Variants in FLG observed in about 807,000 individuals in gnomAD.
FLG encodes filaggrin, also known as epidermal filaggrin.
Under a neutral mutation model 3.8 loss-of-function variants are expected in FLG, and 6 were observed. That is an observed-to-expected ratio of 1.60 (90% confidence interval 0.87 to 3.15). FLG has a LOEUF of 3.15. FLG is among the 30% of genes most tolerant of loss of function. The pLI, the probability that FLG is intolerant of heterozygous loss-of-function variation, is 0.00. For missense variants in FLG, 7,595 were observed against 5,050.9 expected (o/e 1.50, Z -15.27); for synonymous variants, 2,551 against 1,931.6 (o/e 1.32, Z -8.41).
In FLG at chr1:152,311,018, C is replaced by T; in HGVS notation, c.3868G>A (p.Ala1290Thr). The T allele has an allele frequency of 6.2e-7, 1 of 1,613,892 alleles. No individual in the cohort carries two copies. The highest frequency in any genetic ancestry group is 8.5e-7 in the Non-Finnish European group (1 of 1,179,970). The change falls in exon 3 of 3, where the codon GCT becomes ACT. Residue 1290 changes from alanine to threonine, a missense_variant. Ala to Thr is a moderately conservative substitution (Grantham distance 58, BLOSUM62 0). Coordinates refer to ENST00000368799, the MANE Select transcript of FLG (RefSeq NM_002016.2). ...SDDSERLSGS[A>T]SRNHHGSSRE... ...GAAGATCCATGATGGTTTCTGGAAG[C>T]AGACCCAGACAACCTCTCGGAGTCG...
chr1:152,321,837 A>G (rs575994379), intron 1 of FLG, among the ~76,000 whole-genome samples: 47 of 151,348 alleles, frequency 3.1e-4, no homozygotes, highest in African/African-American at 1.1e-3. Context: ...CCATAACCTG[A>G]CAACGATATA....
At chr1:152,316,701 A>G (rs1557883844) in intron 1 of FLG, among the ~76,000 whole-genome samples, 1 of 152,142 alleles carries the variant, frequency 6.6e-6, no homozygotes, top group Non-Finnish European at 1.5e-5. Flanking sequence ...CAACATATGC[A>G]AAATCTCTTT....
chr1:152,309,373 T>G lies in FLG; in HGVS notation c.5513A>C (p.His1838Pro), dbSNP rs776524940. 4 of 1,613,698 alleles carry G rather than the reference T, an allele frequency of 2.5e-6. No homozygotes were observed. ...GGTGTGGCTGTGATGAGACCCTGAG[T>G]GTCCAGAACTATCTACCGATTGCTC... is the stretch of plus-strand genomic sequence containing the variant. The part of the protein sequence containing the change: ...HYEQSVDSSG[H>P]SGSHHSHTTS... Residue 1838 changes from histidine (H) to proline (P), a missense_variant, in exon 3 of 3, where the codon CAC becomes CCC. By Grantham distance (77) the His-to-Pro change is moderately conservative (BLOSUM62 -2). Coordinates refer to ENST00000368799, the MANE Select transcript of FLG (RefSeq NM_002016.2).
rs553191250 is a variant in FLG, at chr1:152,307,525, G to C, written c.7361C>G (p.Thr2454Arg). ...KQARDSSRHS[T>R]SQEGQDTIHG... ...AATGGTGTCCTGACCCTCTTGGGAC[G>C]TTGAGTGCCTGGAGCTGTCTCGTGC... is the stretch of plus-strand genomic sequence containing the variant. The change falls in exon 3 of 3, where the codon ACG becomes AGG. Residue 2454 changes from threonine to arginine, a missense_variant. Thr to Arg is a moderately conservative substitution (Grantham distance 71). Coordinates refer to ENST00000368799, the MANE Select transcript of FLG (RefSeq NM_002016.2). The C allele has an allele frequency of 1.9e-6, 3 of 1,613,020 alleles. No individual in the cohort carries two copies. The highest frequency in any genetic ancestry group is 2.5e-6 in the Non-Finnish European group (3 of 1,179,742).
chr1:152,311,553 A>T lies in FLG; in HGVS notation c.3333T>A (p.Ser1111=), dbSNP rs769711759. The change falls in exon 3 of 3, where the codon TCT becomes TCA. Residue 1111 remains serine (S), a synonymous_variant. Transcript: ENST00000368799. ...ESARDWSGGR[S]GRSGSFIYQV... Reference sequence around the variant, plus strand: ...GGTAGATGAAAGACCCTGAACGTCCAGACCTTCCCCCTGACCAGTCACGTG... The same window carrying T: ...GGTAGATGAAAGACCCTGAACGTCCTGACCTTCCCCCTGACCAGTCACGTG... 29 of 1,613,814 alleles carry T rather than the reference A, an allele frequency of 1.8e-5. No individual in the cohort carries two copies. In the Admixed American group the frequency reaches 3.0e-4, roughly 17 times the overall value.
Position 152,311,662 on chromosome 1 carries a change from T to C in FLG, c.3224A>G (p.Glu1075Gly). The C allele has an allele frequency of 6.2e-7, 1 of 1,614,090 alleles. No individual in the cohort carries two copies. ...TGTGTCTGACTCCTCTGAATGTCCCTCACTATCACTGGCCTGACTACCACT... is the reference window on the plus strand; with the variant it reads ...TGTGTCTGACTCCTCTGAATGTCCCCCACTATCACTGGCCTGACTACCACT... ...GSSGSQASDS[E>G]GHSEESDTQS... Residue 1075 changes from glutamate (E) to glycine (G), a missense_variant, in exon 3 of 3, where the codon GAG (glutamate) becomes GGG (glycine). Glu to Gly is a moderately conservative substitution (Grantham distance 98, BLOSUM62 -2). Transcript: ENST00000368799.
chr1:152,313,338 A>G lies in FLG; in HGVS notation c.1548T>C (p.Ile516=). The G allele has an allele frequency of 6.2e-7, 1 of 1,613,158 alleles. No individual in the cohort carries two copies. The highest frequency in any genetic ancestry group is 8.5e-7 in the Non-Finnish European group (1 of 1,179,824). Residue 516 remains isoleucine, a synonymous_variant, in exon 3 of 3, where the codon ATT becomes ATC. Transcript: ENST00000368799. ...HSASQEGQDT[I]RGHPGSSRGG... is the part of the protein sequence containing the mutation. ...CTCTGCTTGACCCCGGGTGTCCACG[A>G]ATGGTGTCCTGACCCTCTTGGGACG...
At position 152,305,140 on chromosome 1, in the gene FLG, T is replaced by G; in HGVS notation, c.9746A>C (p.His3249Pro). Reference sequence around the variant, plus strand: ...ATGGGACCTGGGGTGTCTGGAGCCGTGCCTTGACTGCTCCTGAACAGATCC... The same window carrying G: ...ATGGGACCTGGGGTGTCTGGAGCCGGGCCTTGACTGCTCCTGAACAGATCC... Reference protein sequence around the residue: ...HRGSVQEQSRHGSRHPRSHHE... With the variant: ...HRGSVQEQSRPGSRHPRSHHE... Residue 3249 changes from histidine (H) to proline (P), a missense_variant, in exon 3 of 3, where the codon CAC becomes CCC. Coordinates refer to ENST00000368799, the MANE Select transcript of FLG (RefSeq NM_002016.2). 1 of 1,613,920 alleles carries G rather than the reference T, an allele frequency of 6.2e-7. No homozygotes were observed. The highest frequency in any genetic ancestry group is 8.5e-7 in the Non-Finnish European group (1 of 1,179,972).
At position 152,310,133 on chromosome 1, in the gene FLG, T is replaced by C. The variant is rs1652288880; in HGVS notation, c.4753A>G (p.Lys1585Glu). 6.2e-7 allele frequency: 1 copy of C among 1,614,004 alleles called. No homozygotes were observed. The highest frequency in any genetic ancestry group is 8.5e-7 in the Non-Finnish European group (1 of 1,179,992). The part of the protein sequence containing the change: ...QVGQGESAGS[K>E]TSRRQGSSVS... ...CTGGATCCCTGGCGCCTGCTTGTCTTGGACCCCGCTGATTCTCCCTGGCCC... is the reference window on the plus strand; with the variant it reads ...CTGGATCCCTGGCGCCTGCTTGTCTCGGACCCCGCTGATTCTCCCTGGCCC... Residue 1585 changes from lysine to glutamate, a missense_variant, in exon 3 of 3, where the codon AAG becomes GAG. By Grantham distance (56) the Lys-to-Glu change is moderately conservative. Transcript: ENST00000368799.
In FLG at chr1:152,315,430, A is replaced by C. The variant is rs1652752999; in HGVS notation, c.27T>G (p.Phe9Leu). 2 of 1,612,218 alleles carry C rather than the reference A, an allele frequency of 1.2e-6. No individual in the cohort carries two copies. Among genetic ancestry groups the C allele is most frequent in the African/African-American group, 2.7e-5 (2 of 74,800 alleles). The change falls in exon 2 of 3, where the codon TTT becomes TTG. Residue 9 changes from phenylalanine to leucine, a missense_variant. Phe to Leu is a conservative substitution (Grantham distance 22, BLOSUM62 0). Coordinates refer to ENST00000368799, the MANE Select transcript of FLG (RefSeq NM_002016.2). MSTLLENI[F>L]AIINLFKQYS... is the part of the protein sequence containing the mutation. ...ATTGCTTGAAAAGATTAATTATGGC[A>C]AAGATGTTTTCCAGGAGAGTAGACA...
Position 152,307,070 on chromosome 1 carries a change from G to T in FLG, c.7816C>A (p.Pro2606Thr), listed in dbSNP as rs745668000. ...GCTCTGTCTTCTTGATGGGACCTGG[G>T]GTGTCTGGAGCCATCTCTTAGCTGC... ...QEQLRDGSRH[P>T]RSHQEDRAGH... The change falls in exon 3 of 3, where the codon CCC (proline) becomes ACC (threonine). Residue 2606 changes from proline (P) to threonine (T), a missense_variant. Pro to Thr is a conservative substitution (Grantham distance 38). Coordinates refer to ENST00000368799, the MANE Select transcript of FLG (RefSeq NM_002016.2). The T allele has an allele frequency of 1.2e-6, 2 of 1,608,580 alleles. No homozygotes were observed. The highest frequency in any genetic ancestry group is 1.4e-5 in the African/African-American group (1 of 71,898).
rs77946464 is a variant in FLG, at chr1:152,304,452, C to A, written c.10434G>T (p.Gly3478=). 3,855 of 1,612,344 alleles carry A rather than the reference C, an allele frequency of 2.4e-3. 78 individuals carry two copies. In the African/African-American group the frequency reaches 0.04, roughly 17 times the overall value. The part of the protein sequence containing the change: ...TSQGRSDASR[G]QSGSRSASRQ... ...TGCTGGCACTTCTGGATCCTGACTG[C>A]CCACGGGAGGCATCAGACCTTCCCT... The change falls in exon 3 of 3, where the codon GGG becomes GGT. Residue 3478 remains glycine, a synonymous_variant. Coordinates refer to ENST00000368799, the MANE Select transcript of FLG (RefSeq NM_002016.2).
At position 152,302,968 on chromosome 1, in the gene FLG, A is replaced by G. The variant is rs1002090880; in HGVS notation, c.11918T>C (p.Val3973Ala). The G allele has an allele frequency of 1.9e-6, 3 of 1,614,046 alleles. No homozygotes were observed. The highest frequency in any genetic ancestry group is 2.5e-6 in the Non-Finnish European group (3 of 1,180,044). ...TERQKGQSGL[V>A]WRHGSYGSAD... Reference sequence around the variant, plus strand: ...ACTACCATAGCTGCCATGTCTCCAAACTAAACCTGATTGACCTTTTTGCCT... The same window carrying G: ...ACTACCATAGCTGCCATGTCTCCAAGCTAAACCTGATTGACCTTTTTGCCT... The change falls in exon 3 of 3, where the codon GTT becomes GCT. Residue 3973 changes from valine to alanine, a missense_variant. Physicochemically the swap from Val to Ala is moderately conservative, Grantham distance 64. Coordinates refer to ENST00000368799, the MANE Select transcript of FLG (RefSeq NM_002016.2).
chr1:152,313,708 TC>T lies in FLG; in HGVS notation c.1177del (p.Asp393ThrfsTer53), dbSNP rs1432787549. ...CCCAGTGGCTGAGTGTCTGGAGCTGTCTGCTGACTGCTGGTGGCCGGATCCA... is the reference window on the plus strand; with the variant it reads ...CCCAGTGGCTGAGTGTCTGGAGCTGTTGCTGACTGCTGGTGGCCGGATCCA... Reference protein sequence around the residue: ...RHGSGHQQSADSSRHSATGRG... With the variant: ...RHGSGHQQSAXSSRHSATGRG... On this transcript the variant is annotated frameshift_variant, in exon 3 of 3. Transcript: ENST00000368799. LOFTEE classifies it low-confidence loss of function (END_TRUNC). 2.5e-6 allele frequency: 4 copies of T among 1,614,144 alleles called. No homozygotes were observed. The Admixed American group carries it at 6.7e-5, about 27-fold the overall frequency.
Position 152,303,644 on chromosome 1 carries a change from G to T in FLG, c.11242C>A (p.His3748Asn), listed in dbSNP as rs753261797. The change falls in exon 3 of 3, where the codon CAC (histidine) becomes AAC (asparagine). Residue 3748 changes from histidine (H) to asparagine (N), a missense_variant. Transcript: ENST00000368799. ...TCCTGACCCTCTTGGGACGCTGAGT[G>T]CCTGGAGCTGTCTCGTGCCTGCTCG... is the stretch of plus-strand genomic sequence containing the variant. ...RHEQARDSSR[H>N]SASQEGQDTI... is the part of the protein sequence containing the mutation. 1.2e-5 allele frequency: 20 copies of T among 1,613,866 alleles called. No homozygotes were observed. Among genetic ancestry groups the T allele is most frequent in the Admixed American group, 1.2e-4 (7 of 59,940 alleles).
chr1:152,308,622 C>G lies in FLG; in HGVS notation c.6264G>C (p.Gly2088=). 1 of 1,614,102 alleles carries G rather than the reference C, an allele frequency of 6.2e-7. No homozygotes were observed. The highest frequency in any genetic ancestry group is 1.3e-5 in the African/African-American group (1 of 75,038). Residue 2088 remains glycine (G), a synonymous_variant, in exon 3 of 3, where the codon GGG becomes GGC. Transcript: ENST00000368799. Reference sequence around the variant, plus strand: ...GAGTGCTCACCTGGTAGAGGAAAGACCCTGAACGTCCAGAGCTTTCCCCTG... The same window carrying G: ...GAGTGCTCACCTGGTAGAGGAAAGAGCCTGAACGTCCAGAGCTTTCCCCTG... ...GQSGESSGRS[G]SFLYQVSTHE...
intron 1 of FLG, among the ~76,000 whole-genome samples, chr1:152,324,706 T>C (rs1036448734): frequency 6.6e-6 from 1 of 151,860 alleles, no homozygotes; most frequent in African/African-American, 2.4e-5. Context: ...GTGTGTTTTA[T>C]GTGTGGCCCA....
rs755340161 is a variant in FLG at position 152,308,626 on chromosome 1, G to T, written c.6260C>A (p.Ser2087Ter). The T allele has an allele frequency of 1.5e-5, 24 of 1,614,046 alleles. No homozygotes were observed. The change falls in exon 3 of 3, where the codon TCA (serine) becomes TAA (stop). Residue 2087 changes from serine (S) to a stop codon, truncating the protein, a stop_gained. Coordinates refer to ENST00000368799, the MANE Select transcript of FLG (RefSeq NM_002016.2). LOFTEE classifies it low-confidence loss of function (END_TRUNC). ...GCTCACCTGGTAGAGGAAAGACCCTGAACGTCCAGAGCTTTCCCCTGACTG... is the reference window on the plus strand; with the variant it reads ...GCTCACCTGGTAGAGGAAAGACCCTTAACGTCCAGAGCTTTCCCCTGACTG... ...RGQSGESSGR[S>*]GSFLYQVSTH...
At position 152,308,016 on chromosome 1, in the gene FLG, G is replaced by T. The variant is rs111307972; in HGVS notation, c.6870C>A (p.Ala2290=). 1.2e-6 allele frequency: 2 copies of T among 1,614,018 alleles called. No individual in the cohort carries two copies. The highest frequency in any genetic ancestry group is 2.2e-5 in the East Asian group (1 of 44,880). ...RHPRSHHEDR[A]GHGHSAESSR... ...AGCTCTCTGCAGAGTGCCCATGACC[G>T]GCTCTGTCTTCGTGATGGGACCTGG... is the stretch of plus-strand genomic sequence containing the variant. The change falls in exon 3 of 3, where the codon GCC becomes GCA. Residue 2290 remains alanine, a synonymous_variant. Coordinates refer to ENST00000368799, the MANE Select transcript of FLG (RefSeq NM_002016.2).
Sources: gnomAD v4.1 joint callset for allele counts (sites outside exome capture counted in the v4.1 genomes callset) on GRCh38, gnomAD v4.1.1 for gene constraint, MANE v1.5 for transcripts, NCBI Gene and HGNC (gene_info 2026-07-23, HGNC 2026-07-21) for gene names.